WNT5A: variants seen among roughly 807,000 people sequenced by gnomAD.
WNT5A encodes Wnt family member 5A.
A neutral mutation model predicts 42.1 loss-of-function variants in WNT5A; 9 were observed. The ratio of observed to expected loss-of-function variants is 0.21; its 90% CI spans 0.13 to 0.37. WNT5A has a LOEUF of 0.37. Ranked by LOEUF, WNT5A falls within the 10% of genes least tolerant of loss-of-function variation. WNT5A has a pLI of 1.00. For missense variants in WNT5A, 426 were observed against 534.0 expected, an observed-to-expected ratio of 0.80 and a Z score of 1.99; for synonymous variants, 210 against 210.0, an observed-to-expected ratio of 1.00 and a Z score of 0.00.
upstream of WNT5A, among the ~76,000 whole-genome samples, chr3:55,493,506 C>G (rs1280263882): frequency 6.6e-6 from 1 of 152,164 alleles, no homozygotes; most frequent in African/African-American, 2.4e-5. Context: ...ATTTTATTTA[C>G]AAGTATATTT....
chr3:55,488,494 G>C (rs1433181827), upstream of WNT5A, among the ~76,000 whole-genome samples: 1 of 140,108 alleles, frequency 7.1e-6, no homozygotes, highest in Non-Finnish European at 1.6e-5. Context: ...AAGAGAGAGG[G>C]AAGGGGGGGG....
chr3:55,481,885 A>AT (rs1355982038), intron 1 of WNT5A, among the ~76,000 whole-genome samples: 2 of 151,834 alleles, frequency 1.3e-5, no homozygotes, highest in East Asian at 3.9e-4. Context: ...CCAAATTCTG[A>AT]TTTTTCACTC....
the WNT5A span, among the ~76,000 whole-genome samples, chr3:55,504,097 C>A: frequency 1.3e-5 from 2 of 151,984 alleles, no homozygotes; most frequent in African/African-American, 4.8e-5. Flanking sequence ...TATGGAGAAA[C>A]CCTGTCTCCA....
At chr3:55,499,028 CTAT>C in the WNT5A span, among the ~76,000 whole-genome samples, 1 of 152,194 alleles carries the variant, frequency 6.6e-6, no homozygotes, top group South Asian at 2.1e-4. Context: ...TCTTCTTTCT[CTAT>C]TTAGTGAAAT....
intron 2 of WNT5A, among the ~76,000 whole-genome samples, chr3:55,479,828 C>A (rs1158923911): frequency 6.6e-6 from 1 of 152,134 alleles, no homozygotes; most frequent in Non-Finnish European, 1.5e-5. Flanking sequence ...TCACCATATA[C>A]CTGAACCAGT....
In WNT5A at chr3:55,479,310, C is replaced by A; in HGVS notation, c.391+4G>T. 1 of 1,516,198 alleles carries A rather than the reference C, an allele frequency of 6.6e-7. No individual in the cohort carries two copies. The highest frequency in any genetic ancestry group is 1.4e-5 in the African/African-American group (1 of 71,774). The allele number at this position is 1,516,198 out of a possible 1,614,324, so 93.9% of individuals were successfully genotyped here. ...TTAAAAAAATATTTTAAATGTTTTC[C>A]TACCTATCTGCATCACCCTGCCAAA... On this transcript the variant is annotated splice_donor_region_variant and intron_variant, in intron 3 of 4. Coordinates refer to ENST00000264634, the MANE Select transcript of WNT5A (RefSeq NM_003392.7).
chr3:55,476,340 G>T (rs1021261488), intron 3 of WNT5A, among the ~76,000 whole-genome samples: 4 of 152,202 alleles, frequency 2.6e-5, no homozygotes, highest in East Asian at 3.8e-4. Flanking sequence ...GATCTAGAAA[G>T]TTCCTGTGAT....
intron 4 of WNT5A, among the ~76,000 whole-genome samples, chr3:55,473,460 C>T (rs1005349413): frequency 1.3e-5 from 2 of 152,090 alleles, no homozygotes; most frequent in Middle Eastern, 3.4e-3. Context: ...TGTGTTTAAC[C>T]GCAGGAAAAA....
In WNT5A at chr3:55,467,968, T is replaced by TG. The variant is rs2051173462; in HGVS notation, c.*2123dup. 6.6e-6 allele frequency: 1 copy of TG among 152,160 alleles called. No homozygotes were observed. The highest frequency in any genetic ancestry group is 2.1e-4 in the South Asian group (1 of 4,832). The allele number at this position is 152,160 out of a possible 1,614,324, so 9.4% of individuals were successfully genotyped here. Reference sequence around the variant, plus strand: ...TCACAATTCACTGCAACTGAGGGGATGTGAATATCATTATGCAATAAATTA... The same window carrying TG: ...TCACAATTCACTGCAACTGAGGGGATGGTGAATATCATTATGCAATAAATTA... On this transcript the variant is annotated 3_prime_UTR_variant, in exon 5 of 5. Transcript: ENST00000264634.
chr3:55,476,624 A>G (rs1008706567), intron 3 of WNT5A, among the ~76,000 whole-genome samples: 1 of 152,212 alleles, frequency 6.6e-6, no homozygotes, highest in Non-Finnish European at 1.5e-5. Flanking sequence ...TTCTTTTTTC[A>G]TAAGTCTATC....
At chr3:55,486,084 G>C (rs1330594947) in intron 1 of WNT5A, among the ~76,000 whole-genome samples, 1 of 152,214 alleles carries the variant, frequency 6.6e-6, no homozygotes, top group Non-Finnish European at 1.5e-5. Context: ...GTGACCCTCG[G>C]AGTGTGTGAT....
At position 55,470,349 on chromosome 3, in the gene WNT5A, T is replaced by C. The variant is rs900039147; in HGVS notation, c.886A>G (p.Thr296Ala). The C allele has an allele frequency of 6.2e-6, 10 of 1,614,030 alleles. No homozygotes were observed. Among genetic ancestry groups the C allele is most frequent in the Non-Finnish European group, 8.5e-6 (10 of 1,179,906 alleles). The change falls in exon 5 of 5, where the codon ACA (threonine) becomes GCA (alanine). Residue 296 changes from threonine to alanine, a missense_variant. Transcript: ENST00000264634. Reference sequence around the variant, plus strand: ...GGGTCGATGTAGACCAGGTCTTGTGTGGTGGGCGAGTTGAAGCGGCTGTTG... The same window carrying C: ...GGGTCGATGTAGACCAGGTCTTGTGCGGTGGGCGAGTTGAAGCGGCTGTTG... ...QVNSRFNSPT[T>A]QDLVYIDPSP...
intron 4 of WNT5A, among the ~76,000 whole-genome samples, 184 bp from the exon 5 acceptor site, chr3:55,470,734 A>G (rs938549103): frequency 2.6e-5 from 4 of 152,174 alleles, no homozygotes; most frequent in African/African-American, 4.8e-5. Flanking sequence ...TTCCAAATAA[A>G]TATGTTCTTA....
chr3:55,481,067 AGGC>A, intron 1 of WNT5A, 149 bp from the exon 2 acceptor site: 1 of 882,542 alleles, frequency 1.1e-6, no homozygotes, highest in Non-Finnish European at 1.5e-6. Flanking sequence ...GGCAAGATAT[AGGC>A]AGTTTCTTTT....
intron 4 of WNT5A, among the ~76,000 whole-genome samples, chr3:55,471,313 G>A (rs534669231): frequency 1.2e-4 from 19 of 152,090 alleles, no homozygotes; most frequent in Non-Finnish European, 2.5e-4. Flanking sequence ...TGGAACTCAG[G>A]TATCCTCACT....
Position 55,486,829 on chromosome 3 carries a change from G to T in WNT5A, c.6+151C>A, listed in dbSNP as rs2051586862. 5.6e-6 allele frequency: 4 copies of T among 720,472 alleles called. No individual in the cohort carries two copies. The South Asian group carries it at 5.9e-5, about 11-fold the overall frequency. 44.6% of individuals were successfully genotyped at this position (720,472 alleles called of 1,614,324 possible). A position where few individuals can be genotyped will look rare whatever the true frequency, so the allele number is the denominator to read the frequency against. On this transcript the variant is annotated intron_variant, in intron 1 of 4. Transcript: ENST00000264634. The stretch of plus-strand genomic sequence containing the variant: ...TGCGCCCGGCGTGGAGGGCGAAGGG[G>T]TAGGGGTTCCTGCCAGCGACGCTGG...
chr3:55,472,196 C>A (rs868650997), intron 4 of WNT5A, among the ~76,000 whole-genome samples: 12 of 152,242 alleles, frequency 7.9e-5, no homozygotes, highest in Middle Eastern at 3.4e-3. Flanking sequence ...CCCAAAAAAA[C>A]TCGCTACTAA....
Position 55,470,413 on chromosome 3 carries a change from C to T in WNT5A, c.822G>A (p.Ala274=), listed in dbSNP as rs780501090. 3.7e-6 allele frequency: 6 copies of T among 1,613,190 alleles called. No individual in the cohort carries two copies. Among genetic ancestry groups the T allele is most frequent in the African/African-American group, 1.3e-5 (1 of 74,920 alleles). The change falls in exon 5 of 5, where the codon GCG becomes GCA. Residue 274 remains alanine (A), a synonymous_variant. Transcript: ENST00000264634. ...TGCCCCGGCTGTTGAGCCGCATGGC[C>T]GCCGCGCTGTCGTACTTCTCCTTCA... ...DALKEKYDSA[A]AMRLNSRGKL... is the part of the protein sequence containing the mutation.
chr3:55,494,231 T>G (rs900813559), upstream of WNT5A, among the ~76,000 whole-genome samples: 1 of 152,246 alleles, frequency 6.6e-6, no homozygotes. Context: ...ATCTGTGGCA[T>G]AGGGCTTTGG....
Sources: allele counts gnomAD v4.1 joint callset (sites outside exome capture counted in the v4.1 genomes callset), GRCh38; gene constraint gnomAD v4.1.1; transcripts MANE v1.5; gene names NCBI Gene and HGNC (gene_info 2026-07-23, HGNC 2026-07-21).